The following GALNTL6 variants were observed in gnomAD, a reference collection of about 807,000 sequenced individuals.
GALNTL6 encodes the protein polypeptide N-acetylgalactosaminyltransferase-like 6.
GALNTL6 carries 46 observed loss-of-function variants against 73.7 expected under a neutral mutation model. The observed-to-expected ratio is 0.62, with a 90% confidence interval of 0.49 to 0.80. The LOEUF (loss-of-function observed/expected upper bound fraction) is 0.80. GALNTL6 is among the 30% of genes least tolerant of loss of function. The pLI, the probability that GALNTL6 is intolerant of heterozygous loss-of-function variation, is 0.00. For synonymous variants in GALNTL6, 259 were observed against 263.7 expected, an observed-to-expected ratio of 0.98 and a Z score of 0.17; for missense variants, 604 against 755.0, an observed-to-expected ratio of 0.80 and a Z score of 2.34.
chr4:173,024,812 C>T (rs1438145646), intron 12 of GALNTL6, among the ~76,000 whole-genome samples: 1 of 152,156 alleles, frequency 6.6e-6, no homozygotes, highest in Non-Finnish European at 1.5e-5. Flanking sequence ...CTCCTGACCT[C>T]AGGGGATCCG....
At chr4:172,153,286 C>T (rs1279900629) in intron 2 of GALNTL6, among the ~76,000 whole-genome samples, 2 of 152,068 alleles carry the variant, frequency 1.3e-5, no homozygotes, top group African/African-American at 2.4e-5. Context: ...AGTCTTTACA[C>T]GAACTATGAT....
intron 2 of GALNTL6, among the ~76,000 whole-genome samples, chr4:172,009,212 A>C (rs1490331880): frequency 6.6e-6 from 1 of 152,036 alleles, no homozygotes; most frequent in African/African-American, 2.4e-5. Flanking sequence ...CAGATGAGGT[A>C]ATTAAGGAAA....
chr4:171,867,530 C>T lies in GALNTL6; in HGVS notation c.138+52812C>T, dbSNP rs150818374. Among the ~76,000 whole-genome samples the T allele has an allele frequency of 4.7e-3, 714 of 152,314 alleles. 8 individuals carry two copies. The highest frequency in any genetic ancestry group is 0.017 in the Middle Eastern group (5 of 294). Reference sequence around the variant, plus strand: ...AGTAACTCAAATTTACCACTTGTTTCCATCCCCGACACCTCAATTCTAAAT... The same window carrying T: ...AGTAACTCAAATTTACCACTTGTTTTCATCCCCGACACCTCAATTCTAAAT... On this transcript the variant is annotated intron_variant, in intron 2 of 12. Coordinates refer to ENST00000506823, the MANE Select transcript of GALNTL6 (RefSeq NM_001034845.3).
In GALNTL6 at chr4:172,203,449, AAAATT is replaced by A. The variant is rs1736017583; in HGVS notation, c.139-26203_139-26199del. On this transcript the variant is annotated intron_variant, in intron 2 of 12. Coordinates refer to ENST00000506823, the MANE Select transcript of GALNTL6 (RefSeq NM_001034845.3). ...TGGCGGTATTTTAAAAAGTATTTGA[AAAATT>A]AAAATTAAATATTACAGACCTTTGT... Among the ~76,000 whole-genome samples the A allele has an allele frequency of 2.0e-5, 3 of 152,222 alleles. No homozygotes were observed. The South Asian group carries it at 6.2e-4, about 32-fold the overall frequency.
intron 2 of GALNTL6, among the ~76,000 whole-genome samples, chr4:172,109,996 AAACTT>A (rs1732807764): frequency 6.6e-6 from 1 of 152,248 alleles, no homozygotes; most frequent in South Asian, 2.1e-4. Context: ...GAGAATGATG[AAACTT>A]AACAGCTAAA....
chr4:172,887,859 C>T (rs960980402), intron 8 of GALNTL6, among the ~76,000 whole-genome samples: 3 of 152,238 alleles, frequency 2.0e-5, no homozygotes, highest in East Asian at 1.9e-4. Flanking sequence ...CCACTGCACC[C>T]GGCCTCTATT....
chr4:172,851,611 C>T (rs370224143), intron 7 of GALNTL6, among the ~76,000 whole-genome samples: 1 of 151,708 alleles, frequency 6.6e-6, no homozygotes, highest in African/African-American at 2.4e-5. Flanking sequence ...GGTATGGCCA[C>T]AAGCCATACT....
chr4:172,531,734 C>T (rs1735176245), intron 5 of GALNTL6, among the ~76,000 whole-genome samples: 1 of 152,186 alleles, frequency 6.6e-6, no homozygotes, highest in Admixed American at 6.5e-5. Flanking sequence ...TCTGAGCTGC[C>T]ATGGGGCGTG....
chr4:172,617,761 G>A (rs919749327), intron 5 of GALNTL6, among the ~76,000 whole-genome samples: 5 of 152,104 alleles, frequency 3.3e-5, no homozygotes, highest in African/African-American at 7.2e-5. Context: ...GATTACAGGC[G>A]TGAGCCACCG....
Position 172,952,080 on chromosome 4 carries a change from A to G in GALNTL6, c.1193A>G (p.Glu398Gly), listed in dbSNP as rs1391359157. 1 of 1,614,126 alleles carries G rather than the reference A, an allele frequency of 6.2e-7. No individual in the cohort carries two copies. Among genetic ancestry groups the G allele is most frequent in the Non-Finnish European group, 8.5e-7 (1 of 1,180,008 alleles). Residue 398 changes from glutamate (E) to glycine (G), a missense_variant, in exon 10 of 13, where the codon GAG becomes GGG. Coordinates refer to ENST00000506823, the MANE Select transcript of GALNTL6 (RefSeq NM_001034845.3). ...VAETWMDEFA[E>G]YIYQRRPEYR... ...GAGACCTGGATGGATGAATTTGCCGAGTACATTTACCAGCGGCGGCCGGAG... is the reference window on the plus strand; with the variant it reads ...GAGACCTGGATGGATGAATTTGCCGGGTACATTTACCAGCGGCGGCCGGAG...
At chr4:173,001,711 C>A (rs552911446) in intron 10 of GALNTL6, among the ~76,000 whole-genome samples, 2 of 152,196 alleles carry the variant, frequency 1.3e-5, no homozygotes, top group South Asian at 4.1e-4. Context: ...AGGCAAAGAA[C>A]CTGAATAGGC....
At chr4:172,978,414 G>T (rs1750929448) in intron 10 of GALNTL6, among the ~76,000 whole-genome samples, 1 of 152,106 alleles carries the variant, frequency 6.6e-6, no homozygotes, top group African/African-American at 2.4e-5. Context: ...TCACTCACAG[G>T]ATACTAAGTA....
At chr4:172,314,337 T>C (rs575043898) in intron 4 of GALNTL6, among the ~76,000 whole-genome samples, 1 of 152,252 alleles carries the variant, frequency 6.6e-6, no homozygotes, top group South Asian at 2.1e-4. Context: ...TTCTTTATTC[T>C]AGGATTTTGC....
At chr4:172,430,046 C>A (rs532827387) in intron 5 of GALNTL6, among the ~76,000 whole-genome samples, 3 of 151,142 alleles carry the variant, frequency 2.0e-5, no homozygotes, top group South Asian at 2.1e-4. Context: ...AGTATGAATG[C>A]GATTTTCTTG....
chr4:171,974,557 A>C (rs1739663270), intron 2 of GALNTL6, among the ~76,000 whole-genome samples: 1 of 152,230 alleles, frequency 6.6e-6, no homozygotes, highest in Admixed American at 6.5e-5. Context: ...GATTTTCCAC[A>C]TATTGGACAC....
intron 5 of GALNTL6, among the ~76,000 whole-genome samples, chr4:172,735,277 A>G (rs143920745): frequency 0.046 from 6,967 of 152,290 alleles, 293 homozygotes; most frequent in African/African-American, 0.11. Flanking sequence ...CACCTCTTGC[A>G]GCAGCGTGAC....
At chr4:172,490,734 A>C (rs889854481) in intron 5 of GALNTL6, among the ~76,000 whole-genome samples, 5 of 152,196 alleles carry the variant, frequency 3.3e-5, no homozygotes, top group Admixed American at 1.3e-4. Flanking sequence ...GAGAAAGATA[A>C]GAGAAGCAGA....
chr4:172,237,024 T>C (rs920478743), intron 3 of GALNTL6, among the ~76,000 whole-genome samples: 2 of 152,216 alleles, frequency 1.3e-5, no homozygotes, highest in Non-Finnish European at 2.9e-5. Flanking sequence ...GCTCCATCCA[T>C]GTTGCTGCAA....
chr4:171,837,569 T>C (rs1475681645), intron 2 of GALNTL6, among the ~76,000 whole-genome samples: 1 of 147,348 alleles, frequency 6.8e-6, no homozygotes, highest in East Asian at 1.9e-4. Context: ...ATACATATTA[T>C]ATATTAATAT....
Sources: gnomAD v4.1 joint callset for allele counts (sites outside exome capture counted in the v4.1 genomes callset) on GRCh38, gnomAD v4.1.1 for gene constraint, MANE v1.5 for transcripts, NCBI Gene and HGNC (gene_info 2026-07-23, HGNC 2026-07-21) for gene names.